SNTG2: variants seen among roughly 807,000 people sequenced by gnomAD.
SNTG2 encodes gamma-2-syntrophin.
In SNTG2, 74 loss-of-function variants were observed where a neutral mutation model predicts 70.9. The ratio of observed to expected loss-of-function variants is 1.04; its 90% CI spans 0.86 to 1.27. The LOEUF is 1.27. Among genes scored for constraint, SNTG2 ranks in the 50% most tolerant of loss-of-function variants. The pLI, the probability that SNTG2 is intolerant of heterozygous loss-of-function variation, is 0.00. For missense variants in SNTG2, 717 were observed against 690.7 expected (o/e 1.04, Z -0.43); for synonymous variants, 278 against 273.8 (o/e 1.02, Z -0.15).
chr2:1,326,661 A>G (rs565686911), intron 16 of SNTG2, among the ~76,000 whole-genome samples: 34 of 152,278 alleles, frequency 2.2e-4, no homozygotes, highest in African/African-American at 8.2e-4. Flanking sequence ...ACTATCTCCT[A>G]TTAATATTAC....
intron 16 of SNTG2, among the ~76,000 whole-genome samples, chr2:1,332,526 A>C (rs993186162): frequency 1.3e-5 from 2 of 152,224 alleles, no homozygotes; most frequent in Admixed American, 1.3e-4. Flanking sequence ...AAAAATCTTC[A>C]AGAAAATTAT....
At chr2:1,113,156 T>TACTAATTGA (rs1258566278) in intron 4 of SNTG2, among the ~76,000 whole-genome samples, 2 of 151,696 alleles carry the variant, frequency 1.3e-5, no homozygotes, top group African/African-American at 4.9e-5. Flanking sequence ...AGGAGGATCG[T>TACTAATTGA]GGGTACTAAG....
intron 7 of SNTG2, among the ~76,000 whole-genome samples, chr2:1,166,611 G>A (rs1335490289): frequency 1.3e-5 from 2 of 152,224 alleles, no homozygotes; most frequent in Non-Finnish European, 2.9e-5. Context: ...GGGGGGCAGG[G>A]AAGTGCTGGG....
intron 15 of SNTG2, among the ~76,000 whole-genome samples, chr2:1,312,978 G>A (rs926259781): frequency 1.3e-5 from 2 of 152,204 alleles, no homozygotes; most frequent in Non-Finnish European, 2.9e-5. Context: ...AACGAATTAG[G>A]TTTGAACTGA....
intron 16 of SNTG2, among the ~76,000 whole-genome samples, chr2:1,361,108 A>G (rs1661118008): frequency 6.6e-6 from 1 of 152,170 alleles, no homozygotes. Flanking sequence ...TGCTTTTTCT[A>G]GCTTTGCCTT....
intron 10 of SNTG2, 116 bp downstream of exon 10, chr2:1,238,133 T>C (rs28583446): frequency 0.14 from 184,147 of 1,308,010 alleles, 19,380 homozygotes; most frequent in African/African-American, 0.49. Flanking sequence ...CATGTACTTG[T>C]TTCAATGTGT....
In SNTG2 at chr2:1,331,393, C is replaced by T. The variant is rs527946664; in HGVS notation, c.1488+15018C>T. 9.2e-5 allele frequency among the ~76,000 whole-genome samples: 14 copies of T among 152,304 alleles called. 1 individual carries two copies. In the South Asian group the frequency reaches 2.5e-3, roughly 27 times the overall value. ...CTAGACTGGAATACTGTGAAGCAGA[C>T]CTTCTGCTGCGAGCTAAGTCCAACT... On this transcript the variant is annotated intron_variant, in intron 16 of 16. Transcript: ENST00000308624.
At chr2:1,311,155 C>T (rs746951114) in intron 15 of SNTG2, among the ~76,000 whole-genome samples, 12 of 152,220 alleles carry the variant, frequency 7.9e-5, no homozygotes, top group East Asian at 1.9e-4. Context: ...CTTCTCTGCT[C>T]GCTGTCCTCT....
chr2:1,003,496 T>C (rs766498344), intron 1 of SNTG2, among the ~76,000 whole-genome samples: 24 of 152,182 alleles, frequency 1.6e-4, no homozygotes, highest in Non-Finnish European at 2.8e-4. Context: ...CAAGCATTCA[T>C]CATGTCTAGA....
At chr2:1,131,898 C>A (rs1668042864) in intron 4 of SNTG2, among the ~76,000 whole-genome samples, 1 of 152,140 alleles carries the variant, frequency 6.6e-6, no homozygotes, top group Non-Finnish European at 1.5e-5. Flanking sequence ...GATCCGCCCG[C>A]CTCAGCCTCC....
intron 1 of SNTG2, among the ~76,000 whole-genome samples, chr2:1,059,635 A>G (rs1662686543): frequency 1.3e-5 from 2 of 152,186 alleles, no homozygotes; most frequent in African/African-American, 4.8e-5. Context: ...TTTGAAGTAT[A>G]AGGAAAACCT....
At position 1,335,580 on chromosome 2, in the gene SNTG2, G is replaced by A. The variant is rs373924458; in HGVS notation, c.1488+19205G>A. The stretch of plus-strand genomic sequence containing the variant: ...GAAAATTTCTAATTACTTTATTTTC[G>A]ACCATCAGAGCTTCTAAGATAAATT... On this transcript the variant is annotated intron_variant, in intron 16 of 16. Transcript: ENST00000308624. Among the ~76,000 whole-genome samples the A allele has an allele frequency of 4.3e-3, 655 of 152,132 alleles. 5 individuals are homozygous for A. The highest frequency in any genetic ancestry group is 0.014 in the African/African-American group (601 of 41,512).
At chr2:1,176,940 G>A (rs953495432) in intron 8 of SNTG2, among the ~76,000 whole-genome samples, 1 of 152,136 alleles carries the variant, frequency 6.6e-6, no homozygotes, top group Non-Finnish European at 1.5e-5. Context: ...CAAAGGTCTA[G>A]AACCAGAAAT....
chr2:1,038,185 G>A (rs1396806398), intron 1 of SNTG2, among the ~76,000 whole-genome samples: 1 of 152,138 alleles, frequency 6.6e-6, no homozygotes, highest in African/African-American at 2.4e-5. Context: ...TAAAATTCAT[G>A]GCCTCATGAC....
At chr2:972,141 ATATCTAT>A (rs1660765177) in intron 1 of SNTG2, among the ~76,000 whole-genome samples, 1 of 152,158 alleles carries the variant, frequency 6.6e-6, no homozygotes, top group African/African-American at 2.4e-5. Flanking sequence ...AGCTCTGTAG[ATATCTAT>A]TAGGTTTATT....
chr2:1,274,006 A>G (rs1416378430), intron 14 of SNTG2, among the ~76,000 whole-genome samples: 1 of 152,238 alleles, frequency 6.6e-6, no homozygotes, highest in Admixed American at 6.5e-5. Flanking sequence ...AAACACTTCA[A>G]AAAAGATTTC....
chr2:1,222,099 C>CTATCTCTG (rs1451914786), intron 9 of SNTG2, among the ~76,000 whole-genome samples: 1 of 14,594 alleles, frequency 6.9e-5, no homozygotes, highest in African/African-American at 2.7e-4. Flanking sequence ...CTCTCTGTCT[C>CTATCTCTG]TCTCTGTCTC....
Position 1,247,412 on chromosome 2 carries a change from G to A in SNTG2, c.974G>A (p.Gly325Asp). ...TFRPKFLALKGPSFYVFSTPP... is the reference protein window; with the variant it reads ...TFRPKFLALKDPSFYVFSTPP... ...AGACCCAAGTTCCTAGCACTGAAGG[G>A]CCCGTCCTTCTACGTTTTCAGCACT... The change falls in exon 12 of 17, where the codon GGC becomes GAC. Residue 325 changes from glycine to aspartate, a missense_variant. Transcript: ENST00000308624. The A allele has an allele frequency of 4.3e-6, 7 of 1,613,602 alleles. No homozygotes were observed. The highest frequency in any genetic ancestry group is 5.1e-6 in the Non-Finnish European group (6 of 1,179,568).
intron 12 of SNTG2, among the ~76,000 whole-genome samples, chr2:1,250,393 C>G (rs771840778): frequency 2.6e-5 from 4 of 152,134 alleles, no homozygotes; most frequent in Non-Finnish European, 5.9e-5. Context: ...CTCTGTCTCT[C>G]TCTGTCTCTA....
Sources: gnomAD v4.1 joint callset for allele counts (sites outside exome capture counted in the v4.1 genomes callset) on GRCh38, gnomAD v4.1.1 for gene constraint, MANE v1.5 for transcripts, NCBI Gene and HGNC (gene_info 2026-07-23, HGNC 2026-07-21) for gene names.